ABCA12: variants seen among roughly 807,000 people sequenced by gnomAD.
ABCA12 encodes ATP binding cassette subfamily A member 12, also known as glucosylceramide transporter ABCA12.
ABCA12 carries 156 observed loss-of-function variants against 293.5 expected under a neutral mutation model. The observed-to-expected ratio is 0.53, with a 90% CI of 0.47 to 0.61. The LOEUF (loss-of-function observed/expected upper bound fraction) is 0.61, where lower values mean the gene tolerates loss of function less well. Ranked by LOEUF, ABCA12 falls within the 20% of genes least tolerant of loss-of-function variation. The pLI is 0.00. For synonymous variants in ABCA12, 1,063 were observed against 1,108.0 expected (o/e 0.96, Z 0.81); for missense variants, 2,797 against 3,090.2 (o/e 0.91, Z 2.25).
At chr2:215,083,046 A>G (rs922876386) in intron 2 of ABCA12, among the ~76,000 whole-genome samples, 3 of 152,194 alleles carry the variant, frequency 2.0e-5, no homozygotes, top group Non-Finnish European at 4.4e-5. Flanking sequence ...GTCATTCTGT[A>G]TATATTGTGT....
intron 8 of ABCA12, among the ~76,000 whole-genome samples, chr2:215,034,516 G>A (rs1265474611): frequency 2.0e-5 from 3 of 152,188 alleles, no homozygotes; most frequent in African/African-American, 7.2e-5. Context: ...AAAAGTGTGG[G>A]CTCTTCTGAG....
intron 23 of ABCA12, among the ~76,000 whole-genome samples, chr2:214,993,699 C>G (rs1699974448): frequency 6.6e-6 from 1 of 152,126 alleles, no homozygotes; most frequent in South Asian, 2.1e-4. Context: ...GAGACAATGT[C>G]AATATATTTC....
chr2:214,954,769 T>C (rs532797646), intron 43 of ABCA12, among the ~76,000 whole-genome samples: 3 of 152,308 alleles, frequency 2.0e-5, no homozygotes, highest in Non-Finnish European at 2.9e-5. Flanking sequence ...TACAATGAAG[T>C]AGTCTCCAAT....
chr2:215,014,145 C>T (rs944133108), intron 15 of ABCA12, among the ~76,000 whole-genome samples: 13 of 149,582 alleles, frequency 8.7e-5, no homozygotes, highest in South Asian at 6.3e-4. Context: ...GGCACAACTG[C>T]GCTCCAGTCT....
chr2:215,012,022 T>C lies in ABCA12; in HGVS notation c.2070A>G (p.Lys690=). The part of the protein sequence containing the change: ...MASGTHPLLD[K]MRSLKQMHLP... ...GATGCATTTGCTTCAGGGATCTCAT[T>C]TTGTCTAGCAGCGGATGTGTGCCAG... Residue 690 remains lysine (K), a synonymous_variant, in exon 16 of 53, where the codon AAA becomes AAG. Coordinates refer to ENST00000272895, the MANE Select transcript of ABCA12 (RefSeq NM_173076.3). The C allele has an allele frequency of 6.2e-7, 1 of 1,614,098 alleles. No homozygotes were observed. Among genetic ancestry groups the C allele is most frequent in the South Asian group, 1.1e-5 (1 of 91,084 alleles).
chr2:215,102,046 T>TGC (rs1702368193), intron 2 of ABCA12, among the ~76,000 whole-genome samples: 1 of 152,030 alleles, frequency 6.6e-6, no homozygotes, highest in Admixed American at 6.6e-5. Context: ...TGTGTGTGTG[T>TGC]GCCTATGTAT....
chr2:214,944,700 G>C (rs1698521422), intron 49 of ABCA12, among the ~76,000 whole-genome samples: 1 of 152,080 alleles, frequency 6.6e-6, no homozygotes, highest in South Asian at 2.1e-4. Context: ...GAAATTCGAT[G>C]TTAAAAAGAC....
chr2:215,086,445 G>C (rs1702039060), intron 2 of ABCA12, among the ~76,000 whole-genome samples: 1 of 152,162 alleles, frequency 6.6e-6, no homozygotes, highest in Non-Finnish European at 1.5e-5. Context: ...GGATGTGTTA[G>C]GTAGCATGAG....
chr2:214,951,063 T>C lies in ABCA12; in HGVS notation c.6668A>G (p.Asn2223Ser), dbSNP rs368437712. The C allele has an allele frequency of 1.2e-5, 19 of 1,613,978 alleles. No homozygotes were observed. Among genetic ancestry groups the C allele is most frequent in the Admixed American group, 3.3e-5 (2 of 60,008 alleles). The part of the protein sequence containing the change: ...KKLRLFFRKF[N>S]SSHVRETIDE... The stretch of plus-strand genomic sequence containing the variant: ...TATTGTCTCCCTTACATGTGAAGAA[T>C]TAAATTTTCTGAAGAAAAGCCTAAA... Residue 2223 changes from asparagine (N) to serine (S), a missense_variant, in exon 45 of 53, where the codon AAT becomes AGT. By Grantham distance (46) the Asn-to-Ser change is conservative. Transcript: ENST00000272895.
chr2:215,057,142 C>A (rs1257572290), intron 3 of ABCA12, among the ~76,000 whole-genome samples: 2 of 152,004 alleles, frequency 1.3e-5, no homozygotes, highest in Non-Finnish European at 2.9e-5. Flanking sequence ...TGGGGTATGG[C>A]AGAAAGTACT....
Position 215,019,664 on chromosome 2 carries a change from G to T in ABCA12, c.1420C>A (p.Leu474Ile). The T allele has an allele frequency of 6.2e-7, 1 of 1,614,070 alleles. No individual in the cohort carries two copies. The highest frequency in any genetic ancestry group is 8.5e-7 in the Non-Finnish European group (1 of 1,180,010). Residue 474 changes from leucine (L) to isoleucine (I), a missense_variant, in exon 12 of 53, where the codon CTC (leucine) becomes ATC (isoleucine). Physicochemically the swap from Leu to Ile is conservative, Grantham distance 5. Around this residue, in one of 3 missense-constraint regions of ABCA12, gnomAD observed 656 missense variants for 638.2 expected, o/e 1.03. Coordinates refer to ENST00000272895, the MANE Select transcript of ABCA12 (RefSeq NM_173076.3). The stretch of plus-strand genomic sequence containing the variant: ...TCGGTGCCCAGCTCTGCCGCTTCGA[G>T]GAGTTGCAGATCAAACTCACTTTCT... The part of the protein sequence containing the change: ...CEESEFDLQL[L>I]EAAELGTEIA...
intron 33 of ABCA12, 141 bp downstream of exon 33, chr2:214,978,175 G>C (rs1699563819): frequency 1.1e-6 from 1 of 941,532 alleles, no homozygotes; most frequent in African/African-American, 1.7e-5. Flanking sequence ...TCTTAAAAAA[G>C]GAGGCTTAAA....
At position 215,050,828 on chromosome 2, in the gene ABCA12, T is replaced by A. The variant is rs906659832; in HGVS notation, c.508-1017A>T. ...ATTTCTCTACTCATTCTTGCAAGTG[T>A]TGCAGAAAGCAGTAAAGAGAAAGAA... On this transcript the variant is annotated intron_variant, in intron 5 of 52. Transcript: ENST00000272895. 5.1e-6 allele frequency: 5 copies of A among 985,202 alleles called. No homozygotes were observed. In the Admixed American group the frequency reaches 2.5e-4, roughly 49 times the overall value. 61.0% of individuals were successfully genotyped at this position (985,202 alleles called of 1,614,324 possible). A position where few individuals can be genotyped will look rare whatever the true frequency, so the allele number is the denominator to read the frequency against.
rs557111763 is a variant in ABCA12, at chr2:215,099,586, G to A, written c.163+12011C>T. Among the ~76,000 whole-genome samples, 30 of 151,974 alleles carry A rather than the reference G, an allele frequency of 2.0e-4. No individual in the cohort carries two copies. The East Asian group carries it at 3.5e-3, about 18-fold the overall frequency. ...CGTATGCCTGTAATCCCAGCTACTC[G>A]GGAGGCTGAGGCAGTAGGATCACTT... On this transcript the variant is annotated intron_variant, in intron 2 of 52. Coordinates refer to ENST00000272895, the MANE Select transcript of ABCA12 (RefSeq NM_173076.3).
Position 215,111,684 on chromosome 2 carries a change from T to C in ABCA12, c.76A>G (p.Thr26Ala), listed in dbSNP as rs1459280885. ...ACTGGCCATAAGATCAAGACAAGTG[T>C]CCAAAGCTGCAAAATAATGGTAGAA... ...WLGVKRQPLW[T>A]LVLILWPVII... Residue 26 changes from threonine to alanine, a missense_variant, in exon 2 of 53, where the codon ACA becomes GCA. By Grantham distance (58) the Thr-to-Ala change is moderately conservative. Around this residue, in one of 3 missense-constraint regions of ABCA12, gnomAD observed 656 missense variants for 638.2 expected, o/e 1.03. Coordinates refer to ENST00000272895, the MANE Select transcript of ABCA12 (RefSeq NM_173076.3). The C allele has an allele frequency of 6.2e-7, 1 of 1,612,378 alleles. No homozygotes were observed. Among genetic ancestry groups the C allele is most frequent in the African/African-American group, 1.3e-5 (1 of 74,870 alleles).
chr2:214,968,409 C>G (rs865846650), intron 38 of ABCA12, among the ~76,000 whole-genome samples: 7 of 152,068 alleles, frequency 4.6e-5, no homozygotes, highest in African/African-American at 1.4e-4. Context: ...CTTTCATTTC[C>G]ATTGCTGAAA....
chr2:215,053,134 A>T (rs191849792), intron 4 of ABCA12, among the ~76,000 whole-genome samples: 6 of 152,274 alleles, frequency 3.9e-5, no homozygotes, highest in Admixed American at 2.6e-4. Flanking sequence ...TACATACAGT[A>T]TACTCTAATT....
intron 1 of ABCA12, among the ~76,000 whole-genome samples, chr2:215,113,600 C>T (rs544075167): frequency 1.3e-5 from 2 of 152,158 alleles, no homozygotes; most frequent in Non-Finnish European, 2.9e-5. Flanking sequence ...CCCTACCTAT[C>T]TAACAGGAGT....
intron 40 of ABCA12, 23 bp downstream of exon 40, chr2:214,959,001 T>C: frequency 6.2e-7 from 1 of 1,610,318 alleles, no homozygotes; most frequent in Non-Finnish European, 8.5e-7. Flanking sequence ...GAGAAAGTAG[T>C]CATGCTAGAG....
Sources: gnomAD v4.1 joint callset for allele counts (sites outside exome capture counted in the v4.1 genomes callset) on GRCh38, gnomAD v4.1.1 for gene constraint, gnomAD v4.1.1 regional missense constraint, MANE v1.5 for transcripts, NCBI Gene and HGNC (gene_info 2026-07-23, HGNC 2026-07-21) for gene names.